Variants in LRRTM3 observed in about 807,000 individuals in gnomAD.
LRRTM3 encodes leucine-rich repeat transmembrane neuronal protein 3.
In LRRTM3, 24 loss-of-function variants were observed where a neutral mutation model predicts 44.7. The ratio of observed to expected loss-of-function variants is 0.54; its 90% CI spans 0.39 to 0.76. The LOEUF is 0.76. LRRTM3 is among the 30% of genes least tolerant of loss of function. LRRTM3 has a pLI of 0.00. For synonymous variants in LRRTM3, 277 were observed against 278.7 expected, an observed-to-expected ratio of 0.99 and a Z score of 0.06; for missense variants, 587 against 702.2, an observed-to-expected ratio of 0.84 and a Z score of 1.85.
At chr10:66,955,648 C>T (rs973168122) in intron 2 of LRRTM3, among the ~76,000 whole-genome samples, 2 of 152,134 alleles carry the variant, frequency 1.3e-5, no homozygotes, top group Non-Finnish European at 1.5e-5. Context: ...TGCATGACTT[C>T]TGGGAATTAG....
intron 2 of LRRTM3, among the ~76,000 whole-genome samples, chr10:67,085,289 GTCT>G (rs1387924169): frequency 6.6e-6 from 1 of 151,484 alleles, no homozygotes; most frequent in African/African-American, 2.4e-5. Context: ...AATATGACTA[GTCT>G]TCTTGTTTAT....
At chr10:66,953,671 T>C (rs1848651460) in intron 2 of LRRTM3, among the ~76,000 whole-genome samples, 1 of 152,180 alleles carries the variant, frequency 6.6e-6, no homozygotes. Flanking sequence ...ATTTTCTACA[T>C]AATAATTTTA....
intron 2 of LRRTM3, among the ~76,000 whole-genome samples, chr10:66,947,301 G>C (rs2132705801): frequency 6.6e-6 from 1 of 152,140 alleles, no homozygotes. Context: ...GAGTTGTTCT[G>C]AGGTCCCACT....
intron 2 of LRRTM3, among the ~76,000 whole-genome samples, chr10:67,060,580 T>C (rs889602117): frequency 6.6e-6 from 1 of 152,210 alleles, no homozygotes; most frequent in Non-Finnish European, 1.5e-5. Flanking sequence ...TGGGCACTAG[T>C]GGAAAGGATT....
intron 2 of LRRTM3, among the ~76,000 whole-genome samples, chr10:66,953,061 C>T (rs1316040753): frequency 6.6e-6 from 1 of 152,076 alleles, no homozygotes; most frequent in African/African-American, 2.4e-5. Flanking sequence ...TGAGAAACAA[C>T]TCTAGTGTAC....
intron 2 of LRRTM3, among the ~76,000 whole-genome samples, chr10:66,933,963 G>A (rs1446583647): frequency 6.6e-6 from 1 of 152,030 alleles, no homozygotes. Context: ...GGTTTTTCAG[G>A]TGGGGAAGCA....
chr10:67,070,592 A>G, intron 2 of LRRTM3, among the ~76,000 whole-genome samples: 1 of 151,970 alleles, frequency 6.6e-6, no homozygotes, highest in East Asian at 1.9e-4. Context: ...AGTAAAATAC[A>G]GAAAATTAGC....
At chr10:67,095,359 A>G (rs1005116691) in intron 2 of LRRTM3, among the ~76,000 whole-genome samples, 3 of 151,978 alleles carry the variant, frequency 2.0e-5, no homozygotes, top group Middle Eastern at 3.4e-3. Context: ...GTGGATTTAT[A>G]TTTAAACAGT....
intron 2 of LRRTM3, among the ~76,000 whole-genome samples, chr10:66,963,408 T>C (rs1849229878): frequency 6.6e-6 from 1 of 152,226 alleles, no homozygotes. Context: ...AATGAAATTA[T>C]ATGCACAAAG....
chr10:67,072,116 C>A (rs966996248), intron 2 of LRRTM3, among the ~76,000 whole-genome samples: 1 of 152,088 alleles, frequency 6.6e-6, no homozygotes, highest in African/African-American at 2.4e-5. Context: ...CCAAGCCCAG[C>A]TAATTTTTTG....
chr10:66,928,165 T>C lies in LRRTM3; in HGVS notation c.1249T>C (p.Phe417Leu). Reference sequence around the variant, plus strand: ...CGATGCTGACGCCGAGCACATCTCTTTCCATAAAATCATCGCGGGCAGCGT... The same window carrying C: ...CGATGCTGACGCCGAGCACATCTCTCTCCATAAAATCATCGCGGGCAGCGT... ...ETDADAEHIS[F>L]HKIIAGSVAL... The change falls in exon 2 of 3, where the codon TTC (phenylalanine) becomes CTC (leucine). Residue 417 changes from phenylalanine to leucine, a missense_variant. Transcript: ENST00000361320. 1 of 1,614,056 alleles carries C rather than the reference T, an allele frequency of 6.2e-7. No homozygotes were observed. The highest frequency in any genetic ancestry group is 8.5e-7 in the Non-Finnish European group (1 of 1,180,032).
intron 2 of LRRTM3, among the ~76,000 whole-genome samples, chr10:67,058,229 C>A (rs1439931126): frequency 1.3e-5 from 2 of 152,180 alleles, no homozygotes; most frequent in African/African-American, 4.8e-5. Flanking sequence ...CACTACACTG[C>A]AACAACTTAC....
chr10:67,003,535 T>C (rs1851798879), intron 2 of LRRTM3, among the ~76,000 whole-genome samples: 1 of 152,226 alleles, frequency 6.6e-6, no homozygotes, highest in Non-Finnish European at 1.5e-5. Flanking sequence ...CCTAATCTAT[T>C]CATATACTGA....
At chr10:67,074,673 T>C (rs367847902) in intron 2 of LRRTM3, among the ~76,000 whole-genome samples, 1 of 152,166 alleles carries the variant, frequency 6.6e-6, no homozygotes, top group East Asian at 1.9e-4. Flanking sequence ...TTCATACAAA[T>C]TTATCTAGAG....
At chr10:66,944,073 G>T (rs921763406) in intron 2 of LRRTM3, among the ~76,000 whole-genome samples, 4 of 152,070 alleles carry the variant, frequency 2.6e-5, no homozygotes, top group Admixed American at 6.6e-5. Flanking sequence ...TGCTGCATTG[G>T]TTGACTCTTT....
chr10:67,028,181 T>C (rs1853506874), intron 2 of LRRTM3, among the ~76,000 whole-genome samples: 2 of 152,342 alleles, frequency 1.3e-5, no homozygotes, highest in Admixed American at 6.5e-5. Context: ...AACCTTTTCT[T>C]TTCACTGGAG....
chr10:67,011,094 C>T (rs1852301218), intron 2 of LRRTM3, among the ~76,000 whole-genome samples: 1 of 152,026 alleles, frequency 6.6e-6, no homozygotes, highest in Non-Finnish European at 1.5e-5. Flanking sequence ...CTTTGGGAGG[C>T]CAAGGCAGAC....
intron 2 of LRRTM3, among the ~76,000 whole-genome samples, chr10:67,044,264 T>C (rs1242459659): frequency 6.6e-6 from 1 of 152,126 alleles, no homozygotes; most frequent in Non-Finnish European, 1.5e-5. Context: ...ATCCAATTGA[T>C]TATAGCCTAA....
At chr10:67,085,612 TTA>T (rs954217560) in intron 2 of LRRTM3, among the ~76,000 whole-genome samples, 2 of 152,034 alleles carry the variant, frequency 1.3e-5, no homozygotes, top group Admixed American at 1.3e-4. Flanking sequence ...CTTTTAAAGT[TTA>T]TGTTTGTGTC....
Sources: gnomAD v4.1 joint callset for allele counts (sites outside exome capture counted in the v4.1 genomes callset) on GRCh38, gnomAD v4.1.1 for gene constraint, MANE v1.5 for transcripts, NCBI Gene and HGNC (gene_info 2026-07-23, HGNC 2026-07-21) for gene names.